The following ROBO2 variants were observed in gnomAD, a reference collection of about 807,000 sequenced individuals.
ROBO2 encodes roundabout homolog 2.
Under a neutral mutation model 160.8 loss-of-function variants are expected in ROBO2, and 53 were observed. That is an observed-to-expected ratio of 0.33 (90% confidence interval 0.26 to 0.41). The LOEUF is 0.41. ROBO2 is among the 10% of genes least tolerant of loss of function. The pLI, the probability that ROBO2 is intolerant of heterozygous loss-of-function variation, is 1.00. For missense variants in ROBO2, 1,577 were observed against 1,722.4 expected, an observed-to-expected ratio of 0.92 and a Z score of 1.49; for synonymous variants, 664 against 611.7, an observed-to-expected ratio of 1.09 and a Z score of -1.26.
chr3:77,046,000 T>C (rs996744357), intron 1 of ROBO2, among the ~76,000 whole-genome samples: 1 of 152,222 alleles, frequency 6.6e-6, no homozygotes, highest in African/African-American at 2.4e-5. Context: ...TATCCTTTGG[T>C]TTACTAGTTG....
intron 2 of ROBO2, among the ~76,000 whole-genome samples, chr3:77,367,725 C>T (rs1443699890): frequency 2.0e-5 from 3 of 152,048 alleles, no homozygotes; most frequent in Admixed American, 6.6e-5. Context: ...GAAATATTAC[C>T]GCTAGCTTCC....
In ROBO2 at chr3:77,473,957, C is replaced by T. The variant is rs536381491; in HGVS notation, c.389-3457C>T. Among the ~76,000 whole-genome samples, 21 of 152,258 alleles carry T rather than the reference C, an allele frequency of 1.4e-4. No homozygotes were observed. In the South Asian group the frequency reaches 3.9e-3, roughly 29 times the overall value. ...ACCCCCATCTCTCAATCCTCTGTGT[C>T]TCTTGAAGCACAGGATGAAGTTGTT... On this transcript the variant is annotated intron_variant, in intron 2 of 25. Transcript: ENST00000461745.
At chr3:76,328,543 G>A (rs1196250589) in intron 2 of ROBO2, among the ~76,000 whole-genome samples, 1 of 151,954 alleles carries the variant, frequency 6.6e-6, no homozygotes, top group Non-Finnish European at 1.5e-5. Flanking sequence ...TGGCTAACAC[G>A]GTGAAACCCC....
chr3:76,303,640 C>G (rs1031733106), intron 2 of ROBO2, among the ~76,000 whole-genome samples: 2 of 152,112 alleles, frequency 1.3e-5, no homozygotes, highest in Non-Finnish European at 2.9e-5. Flanking sequence ...TATTAAACTG[C>G]CTGTCTCAGT....
intron 2 of ROBO2, among the ~76,000 whole-genome samples, chr3:77,211,141 C>T (rs936049991): frequency 6.6e-6 from 1 of 152,110 alleles, no homozygotes; most frequent in Admixed American, 6.5e-5. Context: ...ATTTCTAGTT[C>T]TAGATCCCTG....
intron 2 of ROBO2, among the ~76,000 whole-genome samples, chr3:76,320,176 G>A (rs902441055): frequency 3.9e-5 from 6 of 151,966 alleles, no homozygotes; most frequent in African/African-American, 1.4e-4. Context: ...TCACTATTAT[G>A]CAAAAACAAC....
At chr3:76,344,626 T>C (rs2074417723) in intron 2 of ROBO2, among the ~76,000 whole-genome samples, 1 of 152,080 alleles carries the variant, frequency 6.6e-6, no homozygotes, top group African/African-American at 2.4e-5. Flanking sequence ...GCAGAAATGA[T>C]GGATAAAAAG....
intron 2 of ROBO2, among the ~76,000 whole-genome samples, chr3:77,473,461 T>C (rs2083593441): frequency 1.8e-5 from 1 of 56,120 alleles, no homozygotes; most frequent in Non-Finnish European, 3.5e-5. Flanking sequence ...TTTTTTTTTT[T>C]TTTTTTTTTT....
upstream of ROBO2, among the ~76,000 whole-genome samples, chr3:77,037,742 T>C (rs769367359): frequency 1.2e-4 from 19 of 152,318 alleles, no homozygotes; most frequent in Middle Eastern, 3.4e-3. Flanking sequence ...AAGTATAAAA[T>C]AGAATCTATA....
chr3:76,198,037 C>T (rs1373981655), intron 2 of ROBO2, among the ~76,000 whole-genome samples: 1 of 152,182 alleles, frequency 6.6e-6, no homozygotes, highest in Non-Finnish European at 1.5e-5. Context: ...ACTGTAAGCA[C>T]CCCAACCGAC....
rs192144607 is a variant in ROBO2, at chr3:77,640,186, A to G, written c.3935-4518A>G. Among the ~76,000 whole-genome samples the G allele has an allele frequency of 9.0e-3, 1,218 of 135,556 alleles. 11 individuals are homozygous for G. Among genetic ancestry groups the G allele is most frequent in the Non-Finnish European group, 0.012 (801 of 66,012 alleles). The allele number at this position is 135,556 out of a possible 152,430, so 88.9% of individuals were successfully genotyped here. A position where few individuals can be genotyped will look rare whatever the true frequency, so the allele number is the denominator to read the frequency against. ...GAGTACAGTGGGGCGATCTCGGCTC[A>G]CTGCAAGATCCGCCTCCCGGGTTCA... On this transcript the variant is annotated intron_variant, in intron 24 of 25. Transcript: ENST00000461745.
chr3:77,586,509 G>T (rs1257760643), intron 16 of ROBO2, among the ~76,000 whole-genome samples: 3 of 151,882 alleles, frequency 2.0e-5, no homozygotes, highest in Non-Finnish European at 2.9e-5. Flanking sequence ...TTTTTTGTCT[G>T]CAAGAACAAT....
At chr3:77,582,392 T>G (rs1418973159) in intron 16 of ROBO2, among the ~76,000 whole-genome samples, 1 of 151,496 alleles carries the variant, frequency 6.6e-6, no homozygotes, top group Non-Finnish European at 1.5e-5. Context: ...GCCAGTCTTG[T>G]TTTTTTTTAA....
chr3:76,706,122 A>AT lies in ROBO2; in HGVS notation c.110-391888dup, dbSNP rs547643695. Among the ~76,000 whole-genome samples the AT allele has an allele frequency of 2.8e-3, 433 of 152,282 alleles. 1 individual carries two copies. Among genetic ancestry groups the AT allele is most frequent in the Non-Finnish European group, 4.8e-3 (324 of 68,012 alleles). ...TAATTATTTTGTCATAACAATTGGC[A>AT]TTTTAACTTGAAGTATTAAGAAAGC... On this transcript the variant is annotated intron_variant, in intron 2 of 26. Transcript: ENST00000487694.
intron 2 of ROBO2, among the ~76,000 whole-genome samples, chr3:77,374,272 T>A (rs971169201): frequency 6.6e-6 from 1 of 151,644 alleles, no homozygotes; most frequent in African/African-American, 2.4e-5. Flanking sequence ...CAGTCTTAGT[T>A]TTTTTGGTGT....
chr3:76,125,921 G>C (rs995055451), intron 2 of ROBO2, among the ~76,000 whole-genome samples: 10 of 152,074 alleles, frequency 6.6e-5, no homozygotes, highest in African/African-American at 2.4e-5. Context: ...CCGCTTCCTG[G>C]ATTCAAGCAA....
intron 2 of ROBO2, among the ~76,000 whole-genome samples, chr3:76,637,449 C>A: frequency 6.6e-6 from 1 of 151,372 alleles, no homozygotes; most frequent in African/African-American, 2.4e-5. Flanking sequence ...AAAAAAAATA[C>A]TTGGGGGAAA....
At chr3:77,574,758 C>T in intron 14 of ROBO2, 28 bp downstream of exon 15, 1 of 1,573,076 alleles carries the variant, frequency 6.4e-7, no homozygotes, top group South Asian at 1.1e-5. Flanking sequence ...GAATATAAAT[C>T]AAACATGATG....
chr3:77,382,302 G>A (rs78413143), intron 2 of ROBO2, among the ~76,000 whole-genome samples: 6,163 of 149,802 alleles, frequency 0.041, 441 homozygotes, highest in African/African-American at 0.14. Context: ...ATTAGAATGA[G>A]AACATTCTAA....
Sources: allele counts gnomAD v4.1 joint callset (sites outside exome capture counted in the v4.1 genomes callset), GRCh38; gene constraint gnomAD v4.1.1; transcripts MANE v1.5; gene names NCBI Gene and HGNC (gene_info 2026-07-23, HGNC 2026-07-21).